Variants in FAM171A1 observed in about 807,000 individuals in gnomAD.
The protein encoded by FAM171A1 is protein FAM171A1.
Under a neutral mutation model 74.9 loss-of-function variants are expected in FAM171A1, and 23 were observed. The observed-to-expected ratio is 0.31, with a 90% confidence interval of 0.22 to 0.44. The LOEUF (loss-of-function observed/expected upper bound fraction) is 0.44. Ranked by LOEUF, FAM171A1 falls within the 20% of genes least tolerant of loss-of-function variation. The pLI is 1.00. For synonymous variants in FAM171A1, 527 were observed against 505.7 expected (o/e 1.04, Z -0.57); for missense variants, 1,162 against 1,159.2 (o/e 1.00, Z -0.03).
chr10:15,275,548 A>C (rs928864640), intron 3 of FAM171A1, among the ~76,000 whole-genome samples: 4 of 151,896 alleles, frequency 2.6e-5, no homozygotes, highest in African/African-American at 9.7e-5. Flanking sequence ...CAACCCACCT[A>C]GGCTTCCCAA....
At chr10:15,223,692 A>G (rs1363183156) in intron 5 of FAM171A1, among the ~76,000 whole-genome samples, 1 of 152,158 alleles carries the variant, frequency 6.6e-6, no homozygotes, top group Non-Finnish European at 1.5e-5. Flanking sequence ...TGAGGTCAGG[A>G]GTTTGAGACC....
intron 1 of FAM171A1, among the ~76,000 whole-genome samples, chr10:15,324,319 G>A (rs1564278819): frequency 6.6e-6 from 1 of 152,064 alleles, no homozygotes; most frequent in Non-Finnish European, 1.5e-5. Context: ...GTTTGCTTGG[G>A]GTAGATGCCC....
chr10:15,229,684 CCATCACCACCATCACCATCATCAT>C (rs1834166256), intron 5 of FAM171A1, among the ~76,000 whole-genome samples: 5 of 140,704 alleles, frequency 3.6e-5, no homozygotes, highest in Non-Finnish European at 7.8e-5. Context: ...ACCATCATCA[CCATCACCACCATCACCATCATCAT>C]CATCACCACC....
At chr10:15,317,371 T>C (rs1318698644) in intron 1 of FAM171A1, among the ~76,000 whole-genome samples, 1 of 152,180 alleles carries the variant, frequency 6.6e-6, no homozygotes, top group Admixed American at 6.6e-5. Flanking sequence ...GAAGTCTGGT[T>C]GCGCTCATAT....
chr10:15,277,683 G>T (rs1434195392), intron 2 of FAM171A1, among the ~76,000 whole-genome samples: 2 of 152,202 alleles, frequency 1.3e-5, no homozygotes, highest in African/African-American at 4.8e-5. Flanking sequence ...AGTTGGCCTA[G>T]AGAGGTAAAT....
rs1182689968 is a variant in FAM171A1, at chr10:15,212,505, C to G, written c.*410G>C. 5.2e-6 allele frequency: 1 copy of G among 192,722 alleles called. No individual in the cohort carries two copies. Among genetic ancestry groups the G allele is most frequent in the African/African-American group, 2.4e-5 (1 of 42,050 alleles). The allele number at this position is 192,722 out of a possible 1,614,324, so 11.9% of individuals were successfully genotyped here. A position where few individuals can be genotyped will look rare whatever the true frequency, so the allele number is the denominator to read the frequency against. On this transcript the variant is annotated 3_prime_UTR_variant, in exon 8 of 8. Coordinates refer to ENST00000378116, the MANE Select transcript of FAM171A1 (RefSeq NM_001010924.2). Reference sequence around the variant, plus strand: ...GCTACGTGCCAACCTAAGTTCTCAACGACAGCTTCACAGTAGGATTATTGT... The same window carrying G: ...GCTACGTGCCAACCTAAGTTCTCAAGGACAGCTTCACAGTAGGATTATTGT...
intron 2 of FAM171A1, among the ~76,000 whole-genome samples, chr10:15,278,389 C>T (rs552030315): frequency 6.6e-6 from 1 of 152,292 alleles, no homozygotes; most frequent in East Asian, 1.9e-4. Flanking sequence ...GCAGCAATTC[C>T]ACTCCTACGT....
intron 1 of FAM171A1, among the ~76,000 whole-genome samples, chr10:15,315,014 G>A (rs553119262): frequency 9.2e-5 from 14 of 152,326 alleles, no homozygotes; most frequent in Admixed American, 5.2e-4. Context: ...TTTGGAATTC[G>A]AGAAGAGGTC....
intron 3 of FAM171A1, among the ~76,000 whole-genome samples, chr10:15,263,508 G>A (rs1020044722): frequency 5.3e-5 from 8 of 152,168 alleles, no homozygotes; most frequent in South Asian, 2.1e-4. Flanking sequence ...ATTTGCCAGC[G>A]TTTTGTGACA....
intron 1 of FAM171A1, among the ~76,000 whole-genome samples, chr10:15,343,471 ATAAATATTTTCT>A (rs1835787511): frequency 1.3e-5 from 2 of 152,210 alleles, no homozygotes; most frequent in African/African-American, 2.4e-5. Context: ...GTGCCATTCC[ATAAATATTTTCT>A]GATTAAATAG....
intron 1 of FAM171A1, among the ~76,000 whole-genome samples, chr10:15,331,787 A>ATG (rs762247019): frequency 6.8e-6 from 1 of 146,738 alleles, no homozygotes; most frequent in Non-Finnish European, 1.5e-5. Context: ...ATATGTATAG[A>ATG]TGTGTGTGTG....
At chr10:15,326,313 A>C (rs1338865993) in intron 1 of FAM171A1, among the ~76,000 whole-genome samples, 1 of 151,040 alleles carries the variant, frequency 6.6e-6, no homozygotes, top group Non-Finnish European at 1.5e-5. Context: ...ACAATCCCAC[A>C]ATTCTTTTTT....
In FAM171A1 at chr10:15,248,662, G is replaced by C; in HGVS notation, c.731C>G (p.Ala244Gly). Residue 244 changes from alanine (A) to glycine (G), a missense_variant, in exon 5 of 8, where the codon GCG becomes GGG. Transcript: ENST00000378116. ...SSLRHNAYVAAWRFDQKLGTW... is the reference protein window; with the variant it reads ...SSLRHNAYVAGWRFDQKLGTW... ...ACCCAGCTTCTGGTCAAACCGCCAC[G>C]CCGCGACATAGGCATTGTGCCTCAG... is the stretch of plus-strand genomic sequence containing the variant. The C allele has an allele frequency of 1.2e-6, 2 of 1,609,870 alleles. No homozygotes were observed. The highest frequency in any genetic ancestry group is 1.7e-6 in the Non-Finnish European group (2 of 1,178,048).
chr10:15,232,372 T>C (rs1834218735), intron 5 of FAM171A1, among the ~76,000 whole-genome samples: 1 of 152,218 alleles, frequency 6.6e-6, no homozygotes, highest in African/African-American at 2.4e-5. Context: ...TGAAATAAAC[T>C]AGCTCATTCT....
chr10:15,329,922 C>T (rs1835606705), intron 1 of FAM171A1, among the ~76,000 whole-genome samples: 1 of 152,216 alleles, frequency 6.6e-6, no homozygotes, highest in African/African-American at 2.4e-5. Context: ...GTTTAAGCCA[C>T]TTTTAAGTTG....
intron 1 of FAM171A1, among the ~76,000 whole-genome samples, chr10:15,328,953 A>T (rs1835592688): frequency 6.6e-6 from 1 of 152,176 alleles, no homozygotes; most frequent in Non-Finnish European, 1.5e-5. Context: ...GTAAAGAGGG[A>T]AAGTTACACC....
chr10:15,236,285 C>CAA (rs369050654), intron 5 of FAM171A1, among the ~76,000 whole-genome samples: 21,571 of 136,914 alleles, frequency 0.16, 1,759 homozygotes, highest in African/African-American at 0.17. Context: ...ATCATGCTTC[C>CAA]AAAAAAAAAA....
chr10:15,326,771 G>A (rs1036508044), intron 1 of FAM171A1, among the ~76,000 whole-genome samples: 1 of 152,084 alleles, frequency 6.6e-6, no homozygotes, highest in African/African-American at 2.4e-5. Flanking sequence ...GGGATTACAG[G>A]TGCCTGCCAT....
intron 1 of FAM171A1, among the ~76,000 whole-genome samples, chr10:15,354,325 G>A (rs764017838): frequency 2.6e-5 from 4 of 151,960 alleles, no homozygotes; most frequent in East Asian, 1.9e-4. Flanking sequence ...GTGAAACCCC[G>A]CCTCCACTAA....
Sources: allele counts gnomAD v4.1 joint callset (sites outside exome capture counted in the v4.1 genomes callset), GRCh38; gene constraint gnomAD v4.1.1; transcripts MANE v1.5; gene names NCBI Gene and HGNC (gene_info 2026-07-23, HGNC 2026-07-21).